Variants in SLIT3 observed in about 807,000 individuals in gnomAD.
SLIT3 encodes slit homolog 3 protein.
In SLIT3, 68 loss-of-function variants were observed where a neutral mutation model predicts 184.0. The ratio of observed to expected loss-of-function variants is 0.37; its 90% CI spans 0.30 to 0.45. The LOEUF (loss-of-function observed/expected upper bound fraction) is 0.45, where lower values mean the gene tolerates loss of function less well. Ranked by LOEUF, SLIT3 falls within the 20% of genes least tolerant of loss-of-function variation. The pLI, the probability that SLIT3 is intolerant of heterozygous loss-of-function variation, is 1.00. For synonymous variants in SLIT3, 831 were observed against 828.6 expected, an observed-to-expected ratio of 1.00 and a Z score of -0.05; for missense variants, 1,707 against 2,026.0, an observed-to-expected ratio of 0.84 and a Z score of 3.02.
intron 4 of SLIT3, among the ~76,000 whole-genome samples, chr5:168,997,267 G>A (rs1755544630): frequency 6.6e-6 from 1 of 152,130 alleles, no homozygotes; most frequent in Admixed American, 6.5e-5. Context: ...GGAGGGTTGG[G>A]AAGGGGCAAA....
At chr5:169,158,232 C>T (rs1014569061) in intron 4 of SLIT3, among the ~76,000 whole-genome samples, 4 of 152,118 alleles carry the variant, frequency 2.6e-5, no homozygotes, top group African/African-American at 9.7e-5. Flanking sequence ...AGAAACAATA[C>T]TTTACTGACT....
chr5:168,884,579 T>C (rs929802262), intron 4 of SLIT3, among the ~76,000 whole-genome samples: 1 of 136,068 alleles, frequency 7.3e-6, no homozygotes, highest in African/African-American at 2.7e-5. Flanking sequence ...TATATATATA[T>C]ATGAAATTCC....
intron 5 of SLIT3, among the ~76,000 whole-genome samples, chr5:168,874,905 T>C (rs937970870): frequency 6.6e-6 from 1 of 152,210 alleles, no homozygotes; most frequent in Non-Finnish European, 1.5e-5. Context: ...GATATATGCT[T>C]GCTGTGCATG....
intron 31 of SLIT3, among the ~76,000 whole-genome samples, chr5:168,684,907 T>C (rs535822088): frequency 2.0e-5 from 3 of 152,160 alleles, no homozygotes; most frequent in East Asian, 1.9e-4. Flanking sequence ...TAGCTACACA[T>C]GAATCTCTTG....
chr5:168,949,933 T>C (rs1294208022), intron 4 of SLIT3, among the ~76,000 whole-genome samples: 3 of 152,158 alleles, frequency 2.0e-5, no homozygotes, highest in Non-Finnish European at 4.4e-5. Context: ...AACCAGTGTG[T>C]AAGGTGAGGT....
At chr5:168,926,825 T>C (rs181195647) in intron 4 of SLIT3, among the ~76,000 whole-genome samples, 6 of 152,036 alleles carry the variant, frequency 3.9e-5, no homozygotes, top group East Asian at 1.9e-4. Context: ...ACAATCACAA[T>C]GAGACATCAA....
At chr5:169,034,469 G>A (rs1422310216) in intron 4 of SLIT3, among the ~76,000 whole-genome samples, 1 of 152,086 alleles carries the variant, frequency 6.6e-6, no homozygotes, top group East Asian at 1.9e-4. Context: ...TTTTACATGT[G>A]GAAATTCAGT....
At chr5:169,286,418 CCT>C (rs1767152070) in intron 1 of SLIT3, among the ~76,000 whole-genome samples, 2 of 152,248 alleles carry the variant, frequency 1.3e-5, no homozygotes, top group South Asian at 2.1e-4. Flanking sequence ...GCTGTCCTGG[CCT>C]CTCTCTTGCC....
At chr5:169,092,560 C>T (rs1759632246) in intron 4 of SLIT3, among the ~76,000 whole-genome samples, 1 of 152,170 alleles carries the variant, frequency 6.6e-6, no homozygotes, top group Admixed American at 6.5e-5. Context: ...AGGCGTGTGA[C>T]CTAGGCTCAG....
chr5:169,144,560 T>G (rs936520036), intron 4 of SLIT3, among the ~76,000 whole-genome samples: 1 of 152,244 alleles, frequency 6.6e-6, no homozygotes, highest in East Asian at 1.9e-4. Context: ...AATAAATGTT[T>G]GACAAGTAAG....
At chr5:169,039,527 C>A (rs759830811) in intron 4 of SLIT3, among the ~76,000 whole-genome samples, 1 of 151,990 alleles carries the variant, frequency 6.6e-6, no homozygotes, top group Non-Finnish European at 1.5e-5. Context: ...CCATGTTAGC[C>A]GGGATGGTCT....
intron 5 of SLIT3, among the ~76,000 whole-genome samples, chr5:168,863,420 T>C (rs1049098945): frequency 2.6e-5 from 4 of 152,246 alleles, no homozygotes; most frequent in Non-Finnish European, 5.9e-5. Flanking sequence ...GGTTGGCTGC[T>C]GGTGATTCGT....
At chr5:169,102,869 C>G (rs914480088) in intron 4 of SLIT3, among the ~76,000 whole-genome samples, 1 of 152,162 alleles carries the variant, frequency 6.6e-6, no homozygotes, top group African/African-American at 2.4e-5. Context: ...ACCTGAGCAC[C>G]CTGTAGCTGA....
intron 4 of SLIT3, among the ~76,000 whole-genome samples, chr5:168,972,839 C>G (rs1754626609): frequency 6.6e-6 from 1 of 152,222 alleles, no homozygotes; most frequent in African/African-American, 2.4e-5. Context: ...TGTTGTCACT[C>G]TACTCTCTCC....
intron 2 of SLIT3, among the ~76,000 whole-genome samples, chr5:169,248,810 T>C (rs1183088742): frequency 6.6e-6 from 1 of 152,110 alleles, no homozygotes; most frequent in Non-Finnish European, 1.5e-5. Flanking sequence ...CAGAAGAGAC[T>C]TTTTCCTACT....
intron 3 of SLIT3, among the ~76,000 whole-genome samples, chr5:169,222,877 GACCAAAGTTGGTTGTTA>G (rs1764657089): frequency 6.6e-6 from 1 of 152,194 alleles, no homozygotes; most frequent in Non-Finnish European, 1.5e-5. Flanking sequence ...GCCCACCGTT[GACCAAAGTTGGTTGTTA>G]ACCAAAATGG....
chr5:168,811,223 C>A (rs1757146785), intron 8 of SLIT3, among the ~76,000 whole-genome samples: 1 of 152,148 alleles, frequency 6.6e-6, no homozygotes, highest in Non-Finnish European at 1.5e-5. Context: ...AGCCATCAGT[C>A]TCGTAATAGC....
chr5:169,231,988 C>T (rs985889009), intron 3 of SLIT3, among the ~76,000 whole-genome samples: 13 of 152,174 alleles, frequency 8.5e-5, no homozygotes, highest in Admixed American at 2.0e-4. Context: ...AACTCTCACC[C>T]ATTTTTCTAC....
chr5:169,101,678 AAATGATCCTT>A (rs1462190834), intron 4 of SLIT3, among the ~76,000 whole-genome samples: 11 of 152,228 alleles, frequency 7.2e-5, no homozygotes, highest in African/African-American at 2.4e-4. Context: ...GTTTCAAGAA[AAATGATCCTT>A]AATGATCCTG....
Sources: allele counts gnomAD v4.1 joint callset (sites outside exome capture counted in the v4.1 genomes callset), GRCh38; gene constraint gnomAD v4.1.1; transcripts MANE v1.5; gene names NCBI Gene and HGNC (gene_info 2026-07-23, HGNC 2026-07-21).